CEACAM21: variants seen among roughly 807,000 people sequenced by gnomAD.
CEACAM21 encodes the protein cell adhesion molecule CEACAM21.
In CEACAM21, 38 loss-of-function variants were observed where a neutral mutation model predicts 33.2. The ratio of observed to expected loss-of-function variants is 1.14; its 90% confidence interval spans 0.88 to 1.50. CEACAM21 has a LOEUF of 1.50. Ranked by LOEUF, CEACAM21 falls within the 40% of genes most tolerant of loss-of-function variation. The pLI, the probability that CEACAM21 is intolerant of heterozygous loss-of-function variation, is 0.00. For synonymous variants in CEACAM21, 156 were observed against 143.0 expected (o/e 1.09, Z -0.65); for missense variants, 385 against 364.6 (o/e 1.06, Z -0.46).
chr19:41,577,072 C>A, intron 1 of CEACAM21, 128 bp from the exon 2 acceptor site: 2 of 1,038,474 alleles, frequency 1.9e-6, no homozygotes, highest in Non-Finnish European at 2.8e-6. Flanking sequence ...CTGACTTTGA[C>A]CCAGTAGGAC....
intron 4 of CEACAM21, 135 bp downstream of exon 4, chr19:41,584,578 C>T (rs1285545572): frequency 1.0e-5 from 8 of 762,498 alleles, no homozygotes; most frequent in Middle Eastern, 3.0e-4. Flanking sequence ...CCTCTCATTC[C>T]ATGGCACCTT....
At chr19:41,555,998 T>G (rs968654628) in intron 1 of CEACAM21, among the ~76,000 whole-genome samples, 4 of 152,170 alleles carry the variant, frequency 2.6e-5, no homozygotes, top group Admixed American at 2.0e-4. Context: ...TCAGCCAAGA[T>G]GAAATAAAAG....
At chr19:41,572,881 C>T (rs1409336838), upstream of CEACAM21, among the ~76,000 whole-genome samples, 1 of 152,180 alleles carries the variant, frequency 6.6e-6, no homozygotes, top group Non-Finnish European at 1.5e-5. Context: ...CTGGAAGTTG[C>T]TCAGCACCTG....
intron 3 of CEACAM21, among the ~76,000 whole-genome samples, chr19:41,581,876 C>T (rs2043417451): frequency 6.6e-6 from 1 of 152,202 alleles, no homozygotes; most frequent in Non-Finnish European, 1.5e-5. Context: ...TGTCATTCCA[C>T]CCGACCCCTC....
At chr19:41,553,726 A>T (rs1555784930) in intron 1 of CEACAM21, 2 of 152,014 alleles carry the variant, frequency 1.3e-5, no homozygotes, top group Non-Finnish European at 2.9e-5. Flanking sequence ...CTGTACAGGG[A>T]CTGTGTTCAC....
At chr19:41,559,837 G>A (rs1432897574) in intron 1 of CEACAM21, among the ~76,000 whole-genome samples, 1 of 152,190 alleles carries the variant, frequency 6.6e-6, no homozygotes, top group Non-Finnish European at 1.5e-5. Context: ...GGCTGGATGT[G>A]ATGCTGCATG....
At chr19:41,586,402 G>C (rs1382946602) in intron 6 of CEACAM21, 62 bp from the exon 7 acceptor site, 13 of 615,568 alleles carry the variant, frequency 2.1e-5, no homozygotes, top group Non-Finnish European at 4.1e-5. Context: ...GGCCCAGAGA[G>C]AGATGCCAGA....
chr19:41,583,635 A>G (rs1555794163), intron 3 of CEACAM21, among the ~76,000 whole-genome samples: 1 of 152,236 alleles, frequency 6.6e-6, no homozygotes, highest in African/African-American at 2.4e-5. Flanking sequence ...GCAGCAGGCA[A>G]GAGGACATGT....
chr19:41,585,567 T>A (rs2070672778), intron 5 of CEACAM21, 72 bp downstream of exon 5: 1 of 1,510,374 alleles, frequency 6.6e-7, no homozygotes, highest in African/African-American at 1.4e-5. Context: ...TCCTGCCAGT[T>A]ACACCCAGGG....
At chr19:41,558,695 A>T (rs1322613005) in intron 1 of CEACAM21, among the ~76,000 whole-genome samples, 1 of 152,192 alleles carries the variant, frequency 6.6e-6, no homozygotes, top group African/African-American at 2.4e-5. Flanking sequence ...ACAAACAAAT[A>T]AATGTCTCTA....
upstream of CEACAM21, among the ~76,000 whole-genome samples, chr19:41,574,828 A>G (rs2042829983): frequency 6.6e-6 from 1 of 152,200 alleles, no homozygotes; most frequent in African/African-American, 2.4e-5. Context: ...CCCCATATTT[A>G]TACTCCTATA....
Position 41,579,235 on chromosome 19 carries a change from C to T in CEACAM21, c.425-118C>T. 8 of 1,541,578 alleles carry T rather than the reference C, an allele frequency of 5.2e-6. No individual in the cohort carries two copies. The South Asian group carries it at 9.4e-5, about 18-fold the overall frequency. Reference sequence around the variant, plus strand: ...ATGGGTGTCTCTGGTTCTCTCTGCTCCTCCCTGTCCTTCATCTTTCTCCTT... The same window carrying T: ...ATGGGTGTCTCTGGTTCTCTCTGCTTCTCCCTGTCCTTCATCTTTCTCCTT... On this transcript the variant is annotated intron_variant, in intron 2 of 6. Coordinates refer to ENST00000401445, the MANE Select transcript of CEACAM21 (RefSeq NM_001098506.4).
upstream of CEACAM21, among the ~76,000 whole-genome samples, chr19:41,575,758 T>C (rs1346256764): frequency 5.9e-5 from 9 of 151,962 alleles, no homozygotes; most frequent in Admixed American, 5.9e-4. Context: ...AGCGGGTGGG[T>C]CCTTCCCAGC....
chr19:41,579,262 A>C (rs1555792354), intron 2 of CEACAM21, 91 bp from the exon 3 acceptor site: 3 of 1,600,544 alleles, frequency 1.9e-6, no homozygotes, highest in Non-Finnish European at 2.6e-6. Context: ...TTTCTCCTTT[A>C]TTCACAGGAG....
In CEACAM21 at chr19:41,577,298, G is replaced by C; in HGVS notation, c.163G>C (p.Val55Leu). The change falls in exon 2 of 7, where the codon GTG (valine) becomes CTG (leucine). Residue 55 changes from valine (V) to leucine (L), a missense_variant. Physicochemically the swap from Val to Leu is conservative, Grantham distance 32 (BLOSUM62 1). Coordinates refer to ENST00000401445, the MANE Select transcript of CEACAM21 (RefSeq NM_001098506.4). ...TGAAGGGGAGAATGTTCATCTCTCTGTGGTTTATCTGCCCGAGAATCTTTA... is the reference window on the plus strand; with the variant it reads ...TGAAGGGGAGAATGTTCATCTCTCTCTGGTTTATCTGCCCGAGAATCTTTA... ...VAEGENVHLS[V>L]VYLPENLYSY... 6.2e-7 allele frequency: 1 copy of C among 1,614,118 alleles called. No homozygotes were observed. The highest frequency in any genetic ancestry group is 8.5e-7 in the Non-Finnish European group (1 of 1,179,994).
At chr19:41,579,281 A>G (rs1555792369) in intron 2 of CEACAM21, 72 bp from the exon 3 acceptor site, 1 of 1,612,696 alleles carries the variant, frequency 6.2e-7, no homozygotes, top group Non-Finnish European at 8.5e-7. Flanking sequence ...AGAATGTTCT[A>G]AATTTGACTC....
At chr19:41,568,711 C>G (rs1665770692) in intron 2 of CEACAM21, among the ~76,000 whole-genome samples, 1 of 152,196 alleles carries the variant, frequency 6.6e-6, no homozygotes, top group Non-Finnish European at 1.5e-5. Flanking sequence ...CTTTGATTGT[C>G]AGGAAGTGTA....
At position 41,585,856 on chromosome 19, in the gene CEACAM21, C is replaced by T; in HGVS notation, c.867C>T (p.Asp289=). The T allele has an allele frequency of 6.2e-7, 1 of 1,613,104 alleles. No individual in the cohort carries two copies. The highest frequency in any genetic ancestry group is 8.5e-7 in the Non-Finnish European group (1 of 1,179,532). Residue 289 remains aspartate (D), a synonymous_variant, in exon 6 of 7, where the codon GAC becomes GAT. Coordinates refer to ENST00000401445, the MANE Select transcript of CEACAM21 (RefSeq NM_001098506.4). Reference sequence around the variant, plus strand: ...TGTCCCCAGGCCATGGACCCTCTGACAGCTCCATCTCCTAGGTAAGACTGT... The same window carrying T: ...TGTCCCCAGGCCATGGACCCTCTGATAGCTCCATCTCCTAGGTAAGACTGT... ...PASTPGHGPS[D]SSIS
chr19:41,556,926 A>C (rs1179775125), intron 1 of CEACAM21, among the ~76,000 whole-genome samples: 3 of 152,228 alleles, frequency 2.0e-5, no homozygotes, highest in South Asian at 2.1e-4. Context: ...AAATAGGTCA[A>C]TTGTTTAGAA....
Sources: allele counts gnomAD v4.1 joint callset (sites outside exome capture counted in the v4.1 genomes callset), GRCh38; gene constraint gnomAD v4.1.1; transcripts MANE v1.5; gene names NCBI Gene and HGNC (gene_info 2026-07-23, HGNC 2026-07-21).